FAM227B: variants seen among roughly 807,000 people sequenced by gnomAD.
FAM227B encodes the protein protein FAM227B.
Under a neutral mutation model 73.8 loss-of-function variants are expected in FAM227B, and 88 were observed. The observed-to-expected ratio is 1.19, with a 90% CI of 1.00 to 1.42. The LOEUF (loss-of-function observed/expected upper bound fraction) is 1.42, where lower values mean the gene tolerates loss of function less well. Among genes scored for constraint, FAM227B ranks in the 40% most tolerant of loss-of-function variants. The pLI, the probability that FAM227B is intolerant of heterozygous loss-of-function variation, is 0.00. For synonymous variants in FAM227B, 210 were observed against 190.5 expected (o/e 1.10, Z -0.84); for missense variants, 632 against 590.9 (o/e 1.07, Z -0.72).
In FAM227B at chr15:49,408,822, T is replaced by G. The variant is rs78415774; in HGVS notation, c.1013-37423A>C. Among the ~76,000 whole-genome samples, 682 of 152,162 alleles carry G rather than the reference T, an allele frequency of 4.5e-3. 7 individuals carry two copies. The highest frequency in any genetic ancestry group is 5.7e-3 in the Non-Finnish European group (386 of 67,998). ...GCTCCATGGGAGCAAGTAACATGTG[T>G]TGTTGTGGTGGTTTTTTCTGGGGGT... On this transcript the variant is annotated intron_variant, in intron 11 of 15. Transcript: ENST00000299338.
At chr15:49,425,889 C>A (rs1409258030) in intron 11 of FAM227B, among the ~76,000 whole-genome samples, 9 of 151,356 alleles carry the variant, frequency 5.9e-5, no homozygotes, top group Admixed American at 4.0e-4. Flanking sequence ...TAAAGTTTAT[C>A]TAAGGAAATG....
At chr15:49,401,459 T>G (rs900362932) in intron 11 of FAM227B, among the ~76,000 whole-genome samples, 57 of 152,132 alleles carry the variant, frequency 3.7e-4, no homozygotes, top group African/African-American at 1.3e-3. Flanking sequence ...CTCAGGGATC[T>G]AGAACTGGAA....
Position 49,471,222 on chromosome 15 carries a change from G to A in FAM227B, c.1012+36989C>T, listed in dbSNP as rs564594569. ...AATGTGAGGCCGGATACAGTGACTC[G>A]TGCCTGTAATCCCAGCACTTTGGGA... On this transcript the variant is annotated intron_variant, in intron 11 of 15. Coordinates refer to ENST00000299338, the MANE Select transcript of FAM227B (RefSeq NM_152647.3). Among the ~76,000 whole-genome samples, 11 of 151,042 alleles carry A rather than the reference G, an allele frequency of 7.3e-5. No homozygotes were observed. In the South Asian group the frequency reaches 8.4e-4, roughly 12 times the overall value.
At chr15:49,591,893 A>G (rs1407538261) in intron 3 of FAM227B, among the ~76,000 whole-genome samples, 2 of 151,794 alleles carry the variant, frequency 1.3e-5, no homozygotes, top group Non-Finnish European at 2.9e-5. Flanking sequence ...CACACACCAT[A>G]TTTTCTTTTT....
chr15:49,514,971 T>C (rs2059280773), intron 10 of FAM227B, among the ~76,000 whole-genome samples: 2 of 152,252 alleles, frequency 1.3e-5, no homozygotes, highest in African/African-American at 2.4e-5. Flanking sequence ...TTTCAACTTA[T>C]GAATAGCCAC....
intron 9 of FAM227B, among the ~76,000 whole-genome samples, chr15:49,564,634 T>C (rs1324950912): frequency 6.6e-6 from 1 of 152,114 alleles, no homozygotes; most frequent in Admixed American, 6.6e-5. Context: ...GTGGTACATA[T>C]ACAACATGGA....
intron 11 of FAM227B, among the ~76,000 whole-genome samples, chr15:49,449,159 A>G (rs2052495774): frequency 6.6e-6 from 1 of 151,874 alleles, no homozygotes; most frequent in Non-Finnish European, 1.5e-5. Flanking sequence ...CTCTAGCACT[A>G]TCTCAGACTG....
chr15:49,579,955 A>C (rs2075707299), intron 5 of FAM227B, among the ~76,000 whole-genome samples: 1 of 152,176 alleles, frequency 6.6e-6, no homozygotes, highest in African/African-American at 2.4e-5. Context: ...ATTAAATGTT[A>C]AGGTTAATCT....
At chr15:49,524,224 G>T (rs1441831266) in intron 10 of FAM227B, among the ~76,000 whole-genome samples, 1 of 152,158 alleles carries the variant, frequency 6.6e-6, no homozygotes, top group East Asian at 1.9e-4. Context: ...AGAAGGGAAA[G>T]ATGGTTTTGT....
At chr15:49,402,296 T>G (rs991483324) in intron 11 of FAM227B, among the ~76,000 whole-genome samples, 3 of 152,250 alleles carry the variant, frequency 2.0e-5, no homozygotes, top group Non-Finnish European at 4.4e-5. Flanking sequence ...GGATTCCATA[T>G]AAATTGTTAG....
intron 13 of FAM227B, among the ~76,000 whole-genome samples, chr15:49,352,119 C>T (rs749352849): frequency 2.8e-4 from 42 of 152,102 alleles, no homozygotes; most frequent in Non-Finnish European, 4.4e-4. Flanking sequence ...GCTGTGACTG[C>T]TAACTGGAAC....
chr15:49,522,665 G>A (rs951586432), intron 10 of FAM227B, among the ~76,000 whole-genome samples: 2 of 151,880 alleles, frequency 1.3e-5, no homozygotes, highest in Non-Finnish European at 2.9e-5. Flanking sequence ...CAATAGACTA[G>A]ACCAAGTAGA....
chr15:49,610,309 G>C (rs1362039859), intron 3 of FAM227B, among the ~76,000 whole-genome samples: 4 of 150,370 alleles, frequency 2.7e-5, no homozygotes, highest in Non-Finnish European at 4.4e-5. Context: ...GTTACAAAAA[G>C]TTTGTTCCAA....
At chr15:49,417,981 C>T (rs934682334) in intron 11 of FAM227B, among the ~76,000 whole-genome samples, 4 of 152,028 alleles carry the variant, frequency 2.6e-5, no homozygotes, top group African/African-American at 9.7e-5. Flanking sequence ...ATAAGCAAAA[C>T]CAAACAGCCC....
At chr15:49,546,855 T>C (rs1369130123) in intron 9 of FAM227B, among the ~76,000 whole-genome samples, 2 of 152,136 alleles carry the variant, frequency 1.3e-5, no homozygotes, top group Non-Finnish European at 2.9e-5. Flanking sequence ...TAGAAAACAC[T>C]CTGCAGGATA....
intron 10 of FAM227B, among the ~76,000 whole-genome samples, chr15:49,528,081 C>G (rs898088543): frequency 6.6e-6 from 1 of 151,814 alleles, no homozygotes; most frequent in Admixed American, 6.6e-5. Flanking sequence ...TTGGAGGTAT[C>G]ACATCACATG....
Position 49,424,680 on chromosome 15 carries a change from A to G in FAM227B, c.1013-53281T>C, listed in dbSNP as rs928765064. On this transcript the variant is annotated intron_variant, in intron 11 of 15. Transcript: ENST00000299338. ...TCTCATCTTCCTTTTGCTTCTTGGA[A>G]AAAAAATTAAATAAAATGTCACCTA... 6.3e-6 allele frequency: 6 copies of G among 955,222 alleles called. No homozygotes were observed. In the African/African-American group the frequency reaches 9.9e-5, roughly 16 times the overall value. 59.2% of individuals were successfully genotyped at this position (955,222 alleles called of 1,614,324 possible). A position where few individuals can be genotyped will look rare whatever the true frequency, so the allele number is the denominator to read the frequency against.
intron 10 of FAM227B, among the ~76,000 whole-genome samples, chr15:49,516,757 G>A (rs1403162936): frequency 6.6e-6 from 1 of 151,962 alleles, no homozygotes; most frequent in Non-Finnish European, 1.5e-5. Flanking sequence ...CTATGAATAT[G>A]TCTTGTTATA....
chr15:49,362,945 T>G (rs1345974523), intron 13 of FAM227B, among the ~76,000 whole-genome samples: 1 of 152,120 alleles, frequency 6.6e-6, no homozygotes, highest in African/African-American at 2.4e-5. Flanking sequence ...GTGTGCAGCA[T>G]TATTTCTGAG....
Sources: allele counts gnomAD v4.1 joint callset (sites outside exome capture counted in the v4.1 genomes callset), GRCh38; gene constraint gnomAD v4.1.1; transcripts MANE v1.5; gene names NCBI Gene and HGNC (gene_info 2026-07-23, HGNC 2026-07-21).